Variants in B4GALNT4 observed in about 807,000 individuals in gnomAD.
The protein encoded by B4GALNT4 is N-acetyl-beta-glucosaminyl-glycoprotein 4-beta-N-acetylgalactosaminyltransferase 1.
A neutral mutation model predicts 110.0 loss-of-function variants in B4GALNT4; 77 were observed. The ratio of observed to expected loss-of-function variants is 0.70; its 90% CI spans 0.58 to 0.85. The LOEUF (loss-of-function observed/expected upper bound fraction) is 0.85, where lower values mean the gene tolerates loss of function less well. B4GALNT4 is among the 40% of genes least tolerant of loss of function. B4GALNT4 has a pLI of 0.00. For missense variants in B4GALNT4, 1,575 were observed against 1,506.0 expected, an observed-to-expected ratio of 1.05 and a Z score of -0.76; for synonymous variants, 785 against 655.5, an observed-to-expected ratio of 1.20 and a Z score of -3.02.
chr11:381,598 G>GC (rs1039130653), intron 19 of B4GALNT4, 71 bp from the exon 20 acceptor site: 2 of 1,343,012 alleles, frequency 1.5e-6, no homozygotes, highest in Non-Finnish European at 2.0e-6. Context: ...TCCGCCCCCG[G>GC]CCCCGGGGTC....
chr11:376,851 C>T lies in B4GALNT4; in HGVS notation c.1728C>T (p.Gly576=). The change falls in exon 14 of 20, where the codon GGC becomes GGT. Residue 576 remains glycine, a synonymous_variant. Transcript: ENST00000329962. ...CCCCACGCCCACCCCGGCCCCACGG[C>T]CGCAGGACCGGCGGCCCCCAGGCCA... is the stretch of plus-strand genomic sequence containing the variant. ...RAPPRPPRPH[G]RRTGGPQATQ... The T allele has an allele frequency of 7.5e-7, 1 of 1,324,796 alleles. No homozygotes were observed. The highest frequency in any genetic ancestry group is 9.6e-7 in the Non-Finnish European group (1 of 1,038,936). The allele number at this position is 1,324,796 out of a possible 1,614,324, so 82.1% of individuals were successfully genotyped here. A position where few individuals can be genotyped will look rare whatever the true frequency, so the allele number is the denominator to read the frequency against.
chr11:373,909 G>T (rs868118724), intron 8 of B4GALNT4, 81 bp downstream of exon 8: 1 of 1,411,872 alleles, frequency 7.1e-7, no homozygotes, highest in Non-Finnish European at 9.8e-7. Flanking sequence ...TGGGGTCCCC[G>T]TCCCAAAGTT....
intron 1 of B4GALNT4, among the ~76,000 whole-genome samples, chr11:370,965 G>A (rs565196310): frequency 1.5e-4 from 23 of 152,198 alleles, no homozygotes; most frequent in Admixed American, 9.8e-4. Context: ...AGAGACCCCC[G>A]ATACTGCTGA....
intron 18 of B4GALNT4, 122 bp downstream of exon 18, chr11:380,567 C>T (rs908652669): frequency 4.1e-5 from 58 of 1,404,510 alleles, no homozygotes; most frequent in Non-Finnish European, 5.4e-5. Context: ...CAGTGCTCCC[C>T]GTAGTGCCCA....
chr11:373,725 C>G, intron 7 of B4GALNT4, 25 bp from the exon 8 acceptor site: 1 of 1,609,498 alleles, frequency 6.2e-7, no homozygotes, highest in Non-Finnish European at 8.5e-7. Context: ...GTGCATGGCA[C>G]GACCCTTGCT....
chr11:380,432 C>G lies in B4GALNT4; in HGVS notation c.2856C>G (p.Pro952=). 6.2e-7 allele frequency: 1 copy of G among 1,602,686 alleles called. No individual in the cohort carries two copies. Among genetic ancestry groups the G allele is most frequent in the Non-Finnish European group, 8.5e-7 (1 of 1,175,846 alleles). The change falls in exon 18 of 20, where the codon CCC becomes CCG. Residue 952 remains proline (P), a synonymous_variant. Coordinates refer to ENST00000329962, the MANE Select transcript of B4GALNT4 (RefSeq NM_178537.5). ...VVMRLSCGSS[P]RDPHGYWEVN... is the part of the protein sequence containing the mutation. Reference sequence around the variant, plus strand: ...TGCGCCTGAGCTGCGGGAGCTCGCCCCGGGACCCCCACGGTGAGGCCCCGA... The same window carrying G: ...TGCGCCTGAGCTGCGGGAGCTCGCCGCGGGACCCCCACGGTGAGGCCCCGA...
At chr11:373,657 C>T in intron 7 of B4GALNT4, 93 bp from the exon 8 acceptor site, 1 of 1,527,660 alleles carries the variant, frequency 6.5e-7, no homozygotes, top group South Asian at 1.1e-5. Context: ...TGAGGGCCAG[C>T]CCTGAGGGGT....
At chr11:375,567 A>G (rs1229094859) in intron 9 of B4GALNT4, 40 bp downstream of exon 9, 1 of 1,605,494 alleles carries the variant, frequency 6.2e-7, no homozygotes, top group East Asian at 2.2e-5. Flanking sequence ...GCTCCTCGGG[A>G]TGGGCTCTGG....
chr11:377,112 C>T lies in B4GALNT4; in HGVS notation c.1989C>T (p.Asp663=). The change falls in exon 14 of 20, where the codon GAC becomes GAT. Residue 663 remains aspartate, a synonymous_variant. Coordinates refer to ENST00000329962, the MANE Select transcript of B4GALNT4 (RefSeq NM_178537.5). ...GAPGDEAASE[D]SEEAAGPALG... is the part of the protein sequence containing the mutation. ...CGGGCGACGAGGCCGCGTCGGAGGA[C>T]AGCGAGGAGGCCGCGGGCCCGGCGC... The T allele has an allele frequency of 6.7e-7, 1 of 1,487,408 alleles. No individual in the cohort carries two copies. Among genetic ancestry groups the T allele is most frequent in the East Asian group, 2.6e-5 (1 of 37,790 alleles). 92.1% of individuals were successfully genotyped at this position (1,487,408 alleles called of 1,614,324 possible).
rs778705905 is a variant in B4GALNT4, at chr11:373,513, G to C, written c.701G>C (p.Arg234Thr). 3 of 1,609,698 alleles carry C rather than the reference G, an allele frequency of 1.9e-6. No homozygotes were observed. In the South Asian group the frequency reaches 3.3e-5, roughly 18 times the overall value. Residue 234 changes from arginine to threonine, a missense_variant, in exon 7 of 20, where the codon AGG (arginine) becomes ACG (threonine). Transcript: ENST00000329962. ...TTCAGCTCCCAGGTGTCCAAGCCCA[G>C]GCGGTGAGTGACTGTGGGGTGCATG... is the stretch of plus-strand genomic sequence containing the variant. ...TKFSSQVSKP[R>T]RLMASRRYYF...
At chr11:378,661 T>G (rs569895186) in intron 14 of B4GALNT4, among the ~76,000 whole-genome samples, 1 of 152,276 alleles carries the variant, frequency 6.6e-6, no homozygotes, top group South Asian at 2.1e-4. Flanking sequence ...AACCATCGTC[T>G]AGGGCAGGGT....
In B4GALNT4 at chr11:372,838, C is replaced by T. The variant is rs763473861; in HGVS notation, c.349-14C>T. 2.5e-6 allele frequency: 4 copies of T among 1,600,816 alleles called. No individual in the cohort carries two copies. Among genetic ancestry groups the T allele is most frequent in the Non-Finnish European group, 2.6e-6 (3 of 1,175,276 alleles). On this transcript the variant is annotated splice_polypyrimidine_tract_variant and intron_variant, in intron 3 of 19. Coordinates refer to ENST00000329962, the MANE Select transcript of B4GALNT4 (RefSeq NM_178537.5). The stretch of plus-strand genomic sequence containing the variant: ...CGGCGGGCCGTGCAGAAGGTAAGGC[C>T]CCCCCATCCCCAGTACAAGGGGCAG...
chr11:369,832 G>T lies in B4GALNT4; in HGVS notation c.29G>T (p.Arg10Leu). The change falls in exon 1 of 20, where the codon CGT becomes CTT. Residue 10 changes from arginine (R) to leucine (L), a missense_variant. Physicochemically the swap from Arg to Leu is moderately radical, Grantham distance 102. Coordinates refer to ENST00000329962, the MANE Select transcript of B4GALNT4 (RefSeq NM_178537.5). The part of the protein sequence containing the change: MPRLPVKKI[R>L]KQMKLLLLLL... ...CCGCGGCTCCCGGTGAAGAAGATCCGTAAGCAGATGAAGCTGCTGCTGCTG... is the reference window on the plus strand; with the variant it reads ...CCGCGGCTCCCGGTGAAGAAGATCCTTAAGCAGATGAAGCTGCTGCTGCTG... 22 of 987,646 alleles carry T rather than the reference G, an allele frequency of 2.2e-5. No homozygotes were observed. The highest frequency in any genetic ancestry group is 2.6e-5 in the Non-Finnish European group (22 of 832,696). The allele number at this position is 987,646 out of a possible 1,614,324, so 61.2% of individuals were successfully genotyped here.
In B4GALNT4 at chr11:376,473, C is replaced by T. The variant is rs375138819; in HGVS notation, c.1350C>T (p.Thr450=). The T allele has an allele frequency of 3.1e-6, 5 of 1,591,702 alleles. No individual in the cohort carries two copies. The highest frequency in any genetic ancestry group is 2.7e-5 in the African/African-American group (2 of 74,588). ...EGELLDSLEP[T]EAAPPRSGPQ... ...AGCTGCTCGACAGCCTGGAGCCCAC[C>T]GAGGCGGCCCCGCCCAGGAGCGGCC... Residue 450 remains threonine (T), a synonymous_variant, in exon 14 of 20, where the codon ACC becomes ACT. Coordinates refer to ENST00000329962, the MANE Select transcript of B4GALNT4 (RefSeq NM_178537.5).
At position 377,287 on chromosome 11, in the gene B4GALNT4, A is replaced by G; in HGVS notation, c.2164A>G (p.Thr722Ala). The G allele has an allele frequency of 6.3e-7, 1 of 1,588,186 alleles. No individual in the cohort carries two copies. The highest frequency in any genetic ancestry group is 8.6e-7 in the Non-Finnish European group (1 of 1,169,522). The change falls in exon 14 of 20, where the codon ACC becomes GCC. Residue 722 changes from threonine (T) to alanine (A), a missense_variant. Physicochemically the swap from Thr to Ala is moderately conservative, Grantham distance 58. Coordinates refer to ENST00000329962, the MANE Select transcript of B4GALNT4 (RefSeq NM_178537.5). ...GCCGGAGGCGGAGGCCGTGGACGTGACCGCTCAGTACATGGAGCGGCTGAA... is the reference window on the plus strand; with the variant it reads ...GCCGGAGGCGGAGGCCGTGGACGTGGCCGCTCAGTACATGGAGCGGCTGAA... The part of the protein sequence containing the change: ...QLPEAEAVDV[T>A]AQYMERLNAR...
rs766634089 is a variant in B4GALNT4 at position 376,064 on chromosome 11, C to CA, written c.1096-9dup. On this transcript the variant is annotated splice_polypyrimidine_tract_variant and intron_variant, in intron 11 of 19. Transcript: ENST00000329962. ...CCGCGCCCTGAGCCCTGCGCCCCCC[C>CA]ACCCCCCAGGTGTACCTGTCCTTCG... The CA allele has an allele frequency of 3.4e-5, 55 of 1,604,176 alleles. No individual in the cohort carries two copies. The East Asian group carries it at 9.4e-4, about 27-fold the overall frequency.
intron 8 of B4GALNT4, among the ~76,000 whole-genome samples, chr11:374,202 C>G (rs1846678127): frequency 6.6e-6 from 1 of 152,100 alleles, no homozygotes; most frequent in African/African-American, 2.4e-5. Context: ...GAGCAGCACT[C>G]TGGACAGATA....
rs1334865559 is a variant in B4GALNT4, at chr11:377,271, G to A, written c.2148G>A (p.Ala716=). 3.1e-6 allele frequency: 5 copies of A among 1,593,116 alleles called. No homozygotes were observed. Among genetic ancestry groups the A allele is most frequent in the African/African-American group, 1.3e-5 (1 of 74,446 alleles). The change falls in exon 14 of 20, where the codon GCG becomes GCA. Residue 716 remains alanine (A), a synonymous_variant. Transcript: ENST00000329962. The part of the protein sequence containing the change: ...NVSGNLQLPE[A]EAVDVTAQYM... ...CGGGGAACCTGCAGCTGCCGGAGGC[G>A]GAGGCCGTGGACGTGACCGCTCAGT... is the stretch of plus-strand genomic sequence containing the variant.
At position 369,748 on chromosome 11, in the gene B4GALNT4, G is replaced by T. The variant is rs904780730; in HGVS notation, c.-56G>T. Reference sequence around the variant, plus strand: ...GGGATGCGGCGCGGGGCGGGCGGGGGCCGGGGGCTGCAGCGGCGCCGCTGA... The same window carrying T: ...GGGATGCGGCGCGGGGCGGGCGGGGTCCGGGGGCTGCAGCGGCGCCGCTGA... On this transcript the variant is annotated 5_prime_UTR_variant, in exon 1 of 20. Transcript: ENST00000329962. 2.7e-5 allele frequency: 24 copies of T among 886,550 alleles called. No homozygotes were observed. The highest frequency in any genetic ancestry group is 3.1e-5 in the Non-Finnish European group (23 of 743,624). The allele number at this position is 886,550 out of a possible 1,614,324, so 54.9% of individuals were successfully genotyped here.
Sources: gnomAD v4.1 joint callset for allele counts (sites outside exome capture counted in the v4.1 genomes callset) on GRCh38, gnomAD v4.1.1 for gene constraint, MANE v1.5 for transcripts, NCBI Gene and HGNC (gene_info 2026-07-23, HGNC 2026-07-21) for gene names.